RPS6KC1: variants seen among roughly 807,000 people sequenced by gnomAD.
The protein encoded by RPS6KC1 is ribosomal protein S6 kinase C1, also known as inactive ribosomal protein S6 kinase delta-1.
RPS6KC1 carries 54 observed loss-of-function variants against 103.8 expected under a neutral mutation model. The ratio of observed to expected loss-of-function variants is 0.52; its 90% CI spans 0.42 to 0.65. RPS6KC1 has a LOEUF of 0.65. Among genes scored for constraint, RPS6KC1 ranks in the 30% least tolerant of loss-of-function variants. The pLI is 0.00. For missense variants in RPS6KC1, 1,151 were observed against 1,253.8 expected, an observed-to-expected ratio of 0.92 and a Z score of 1.24; for synonymous variants, 439 against 438.7, an observed-to-expected ratio of 1.00 and a Z score of -0.01.
At chr1:213,822,554 T>G in the RPS6KC1 span, 1 of 152,250 alleles carries the variant, frequency 6.6e-6, no homozygotes, top group African/African-American at 2.4e-5. Context: ...AGCTGCCTAC[T>G]TAGACACCGC....
the RPS6KC1 span, among the ~76,000 whole-genome samples, chr1:213,557,578 A>C: frequency 1.3e-5 from 2 of 152,150 alleles, no homozygotes; most frequent in Admixed American, 1.3e-4. Flanking sequence ...TTCTAGGTTG[A>C]TTTGAAGGTA....
the RPS6KC1 span, among the ~76,000 whole-genome samples, chr1:213,315,737 A>G: frequency 1.3e-5 from 2 of 152,204 alleles, no homozygotes; most frequent in African/African-American, 4.8e-5. Flanking sequence ...ACGGGCTTGT[A>G]CAGATGACTT....
chr1:213,207,722 G>A (rs1164453007), intron 8 of RPS6KC1, among the ~76,000 whole-genome samples: 1 of 151,992 alleles, frequency 6.6e-6, no homozygotes, highest in African/African-American at 2.4e-5. Flanking sequence ...TGCCCAGGCT[G>A]GAGTGCAGTG....
the RPS6KC1 span, among the ~76,000 whole-genome samples, chr1:213,793,108 C>A: frequency 6.6e-6 from 1 of 152,188 alleles, no homozygotes; most frequent in African/African-American, 2.4e-5. Flanking sequence ...GAGATCAATT[C>A]CCAATCTCTT....
chr1:213,860,462 T>C, the RPS6KC1 span, among the ~76,000 whole-genome samples: 1 of 150,812 alleles, frequency 6.6e-6, no homozygotes, highest in African/African-American at 2.4e-5. Context: ...CTCACAGCTA[T>C]AGGAGCAATT....
the RPS6KC1 span, among the ~76,000 whole-genome samples, chr1:213,716,785 AT>A: frequency 6.6e-6 from 1 of 152,150 alleles, no homozygotes; most frequent in Non-Finnish European, 1.5e-5. Context: ...TTTGGATAAA[AT>A]TTTACACTGG....
At chr1:213,407,703 A>G in the RPS6KC1 span, among the ~76,000 whole-genome samples, 1 of 152,170 alleles carries the variant, frequency 6.6e-6, no homozygotes, top group African/African-American at 2.4e-5. Context: ...TTCTTTGTGA[A>G]CATCTCATTT....
At chr1:213,610,057 T>C in the RPS6KC1 span, among the ~76,000 whole-genome samples, 1 of 152,162 alleles carries the variant, frequency 6.6e-6, no homozygotes, top group Non-Finnish European at 1.5e-5. Flanking sequence ...CGGTTTTACA[T>C]TCTCATCAGC....
rs565920799 is a variant in RPS6KC1, at chr1:213,269,875, C to A, written c.3091-2649C>A. On this transcript the variant is annotated intron_variant, in intron 14 of 14. Transcript: ENST00000366960. ...GACCAGCCTGGGAAACACAGTGAGACCCTGTCTCTAAATTTAAAAAAGAAA... is the reference window on the plus strand; with the variant it reads ...GACCAGCCTGGGAAACACAGTGAGAACCTGTCTCTAAATTTAAAAAAGAAA... Among the ~76,000 whole-genome samples the A allele has an allele frequency of 1.7e-4, 26 of 151,550 alleles. No homozygotes were observed. The South Asian group carries it at 5.4e-3, about 32-fold the overall frequency.
chr1:213,097,239 G>A (rs960995581), intron 3 of RPS6KC1, among the ~76,000 whole-genome samples: 3 of 151,994 alleles, frequency 2.0e-5, no homozygotes, highest in African/African-American at 4.8e-5. Flanking sequence ...CTGTAATCCC[G>A]GCTAATCAGG....
chr1:213,293,881 T>TA, the RPS6KC1 span, among the ~76,000 whole-genome samples: 1 of 152,232 alleles, frequency 6.6e-6, no homozygotes, highest in Non-Finnish European at 1.5e-5. Flanking sequence ...ACTATTAAGA[T>TA]ACCATAACTA....
At chr1:213,609,784 G>A in the RPS6KC1 span, among the ~76,000 whole-genome samples, 1 of 138,284 alleles carries the variant, frequency 7.2e-6, no homozygotes, top group Non-Finnish European at 1.6e-5. Flanking sequence ...ACTTTCAATG[G>A]CAAAACCCGC....
At chr1:213,428,476 C>CCTTCCTTCCTTCCTT in the RPS6KC1 span, among the ~76,000 whole-genome samples, 19 of 30,678 alleles carry the variant, frequency 6.2e-4, 1 homozygote, top group African/African-American at 2.1e-3. Flanking sequence ...CTCCCTCCCT[C>CCTTCCTTCCTTCCTT]CCTCCCTTCC....
chr1:213,409,832 A>G, the RPS6KC1 span, among the ~76,000 whole-genome samples: 1 of 152,180 alleles, frequency 6.6e-6, no homozygotes, highest in African/African-American at 2.4e-5. Context: ...GCCAACAGGG[A>G]AAGACAGACA....
the RPS6KC1 span, among the ~76,000 whole-genome samples, chr1:213,557,532 C>T: frequency 2.0e-5 from 3 of 152,064 alleles, no homozygotes; most frequent in African/African-American, 7.2e-5. Context: ...GTGCAGAGCT[C>T]TAAGGAGTAT....
chr1:213,683,049 CA>C, the RPS6KC1 span, among the ~76,000 whole-genome samples: 1 of 152,162 alleles, frequency 6.6e-6, no homozygotes, highest in Non-Finnish European at 1.5e-5. Context: ...CATTATTGAA[CA>C]ATTAGATCAT....
intron 7 of RPS6KC1, among the ~76,000 whole-genome samples, chr1:213,172,968 G>A (rs1023032090): frequency 2.0e-5 from 3 of 152,136 alleles, no homozygotes; most frequent in Non-Finnish European, 4.4e-5. Flanking sequence ...GCTTCATAGC[G>A]CAATGGGCCA....
the RPS6KC1 span, among the ~76,000 whole-genome samples, chr1:213,330,406 T>A: frequency 1.3e-3 from 198 of 152,322 alleles, 2 homozygotes; most frequent in African/African-American, 4.3e-3. Flanking sequence ...AAGAGAGACA[T>A]GTAAACAATG....
chr1:213,150,493 A>G (rs1472411156), intron 6 of RPS6KC1, among the ~76,000 whole-genome samples: 1 of 149,446 alleles, frequency 6.7e-6, no homozygotes, highest in Non-Finnish European at 1.5e-5. Context: ...TGGGTACTTG[A>G]GATTAGGGAG....
Sources: allele counts gnomAD v4.1 joint callset (sites outside exome capture counted in the v4.1 genomes callset), GRCh38; gene constraint gnomAD v4.1.1; transcripts MANE v1.5; gene names NCBI Gene and HGNC (gene_info 2026-07-23, HGNC 2026-07-21).